Variants in CD58 observed in about 807,000 individuals in gnomAD.
The protein encoded by CD58 is CD58 molecule, also known as lymphocyte function-associated antigen 3.
CD58 carries 14 observed loss-of-function variants against 27.6 expected under a neutral mutation model. The ratio of observed to expected loss-of-function variants is 0.51; its 90% confidence interval spans 0.34 to 0.79. The LOEUF is 0.79. Among genes scored for constraint, CD58 ranks in the 30% least tolerant of loss-of-function variants. The pLI is 0.02. For missense variants in CD58, 268 were observed against 301.7 expected (o/e 0.89, Z 0.83); for synonymous variants, 117 against 103.8 (o/e 1.13, Z -0.77).
Position 116,515,378 on chromosome 1 carries a change from C to G in CD58, c.744-556G>C, listed in dbSNP as rs1273218967. On this transcript the variant is annotated intron_variant, in intron 5 of 5. Transcript: ENST00000369489. This position sits in a 1 kb window ranked among gnomAD's most constrained non-coding sequence, Gnocchi z 4.6. ...TGCGTATTTCCACAGAGCTCAAAAT[C>G]AGACCAGGCCAGAGCTCCCCAAACA... 6.6e-6 allele frequency among the ~76,000 whole-genome samples: 1 copy of G among 152,204 alleles called. No individual in the cohort carries two copies. Among genetic ancestry groups the G allele is most frequent in the African/African-American group, 2.4e-5 (1 of 41,462 alleles).
chr1:116,562,195 T>TA (rs1195454780), intron 1 of CD58, among the ~76,000 whole-genome samples: 2 of 152,188 alleles, frequency 1.3e-5, no homozygotes, highest in African/African-American at 2.4e-5. Flanking sequence ...AGGAAAATTT[T>TA]AAAAAATAAT....
rs1657035100 is a variant in CD58, at chr1:116,515,153, CAG to C, written c.744-333_744-332del. Among the ~76,000 whole-genome samples the C allele has an allele frequency of 1.3e-5, 2 of 152,226 alleles. No homozygotes were observed. The highest frequency in any genetic ancestry group is 2.9e-5 in the Non-Finnish European group (2 of 68,040). Reference sequence around the variant, plus strand: ...CATGTAAACTGTCACCCATTTGTAACAGCTACTTCCTTCTTTGCTACATGAAA... The same window carrying C: ...CATGTAAACTGTCACCCATTTGTAACCTACTTCCTTCTTTGCTACATGAAA... On this transcript the variant is annotated intron_variant, in intron 5 of 5. Coordinates refer to ENST00000369489, the MANE Select transcript of CD58 (RefSeq NM_001779.3). This position sits in a 1 kb window ranked among gnomAD's most constrained non-coding sequence, Gnocchi z 4.6.
intron 2 of CD58, among the ~76,000 whole-genome samples, chr1:116,537,202 T>G (rs1657842438): frequency 6.6e-6 from 1 of 152,210 alleles, no homozygotes; most frequent in Non-Finnish European, 1.5e-5. Context: ...ATTGTGCCAG[T>G]GCACTCTAGC....
At position 116,536,281 on chromosome 1, in the gene CD58, T is replaced by G. The variant is rs1557836606; in HGVS notation, c.365-53A>C. Reference sequence around the variant, plus strand: ...CAGAAAATAGTAATATTTAGACTTATCATCTGCAAATTTATGAAGAGCTCG... The same window carrying G: ...CAGAAAATAGTAATATTTAGACTTAGCATCTGCAAATTTATGAAGAGCTCG... On this transcript the variant is annotated intron_variant, in intron 2 of 5. Coordinates refer to ENST00000369489, the MANE Select transcript of CD58 (RefSeq NM_001779.3). This position sits in a 1 kb window ranked among gnomAD's most constrained non-coding sequence, Gnocchi z 5.4. 7.1e-7 allele frequency: 1 copy of G among 1,401,476 alleles called. No individual in the cohort carries two copies. Among genetic ancestry groups the G allele is most frequent in the Non-Finnish European group, 9.6e-7 (1 of 1,036,666 alleles). The allele number at this position is 1,401,476 out of a possible 1,614,324, so 86.8% of individuals were successfully genotyped here.
At position 116,563,608 on chromosome 1, in the gene CD58, C is replaced by T. The variant is rs1431139302; in HGVS notation, c.70+7295G>A. 6.6e-6 allele frequency among the ~76,000 whole-genome samples: 1 copy of T among 152,228 alleles called. No individual in the cohort carries two copies. Among genetic ancestry groups the T allele is most frequent in the African/African-American group, 2.4e-5 (1 of 41,462 alleles). ...ACCTCAATTCTTGACTTCTGTGCAT[C>T]CACAGGCCCAACACCACATGTAAGC... On this transcript the variant is annotated intron_variant, in intron 1 of 5. Coordinates refer to ENST00000369489, the MANE Select transcript of CD58 (RefSeq NM_001779.3). This position sits in a 1 kb window ranked among gnomAD's most constrained non-coding sequence, Gnocchi z 4.1.
chr1:116,543,297 G>C (rs772860175), intron 2 of CD58, among the ~76,000 whole-genome samples: 2 of 152,114 alleles, frequency 1.3e-5, no homozygotes, highest in Non-Finnish European at 2.9e-5. Flanking sequence ...CAAGGACAGG[G>C]CATGGTGGTC....
intron 1 of CD58, among the ~76,000 whole-genome samples, chr1:116,568,359 G>A (rs891111397): frequency 2.0e-5 from 3 of 152,162 alleles, no homozygotes; most frequent in Non-Finnish European, 4.4e-5. Flanking sequence ...GTTAACTGGT[G>A]ATTCAAGGAG....
chr1:116,532,539 A>T lies in CD58; in HGVS notation c.628+3426T>A, dbSNP rs1657648095. Among the ~76,000 whole-genome samples the T allele has an allele frequency of 1.3e-5, 2 of 152,210 alleles. No individual in the cohort carries two copies. Among genetic ancestry groups the T allele is most frequent in the African/African-American group, 4.8e-5 (2 of 41,462 alleles). On this transcript the variant is annotated intron_variant, in intron 3 of 5. Transcript: ENST00000369489. This position sits in a 1 kb window ranked among gnomAD's most constrained non-coding sequence, Gnocchi z 5.1. Reference sequence around the variant, plus strand: ...AAAGGAAAGAATTCAGTCCAACTGCAGGAGTGGTAGGAGAGGTTCTAGATC... The same window carrying T: ...AAAGGAAAGAATTCAGTCCAACTGCTGGAGTGGTAGGAGAGGTTCTAGATC...
rs1658808017 is a variant in CD58, at chr1:116,563,050, C to G, written c.70+7853G>C. ...TGTAAAATCAAAGGCAAGTTAGTTA[C>G]TTCCTAGATACAATGGGGGTACAGG... On this transcript the variant is annotated intron_variant, in intron 1 of 5. Transcript: ENST00000369489. The surrounding 1 kb of genome is among the most constrained non-coding windows in gnomAD (Gnocchi z 4.1). 6.6e-6 allele frequency among the ~76,000 whole-genome samples: 1 copy of G among 152,238 alleles called. No individual in the cohort carries two copies. The highest frequency in any genetic ancestry group is 2.1e-4 in the South Asian group (1 of 4,830).
chr1:116,566,591 T>C (rs1035111791), intron 1 of CD58, among the ~76,000 whole-genome samples: 4 of 152,176 alleles, frequency 2.6e-5, no homozygotes, highest in Non-Finnish European at 5.9e-5. Flanking sequence ...AGAACATCTT[T>C]CTGTGCCAGA....
rs572285091 is a variant in CD58 at position 116,534,416 on chromosome 1, TCCTCCGGGTGCGCCGCGGC to T, written c.628+1530_628+1548del. Among the ~76,000 whole-genome samples, 26 of 152,348 alleles carry T rather than the reference TCCTCCGGGTGCGCCGCGGC, an allele frequency of 1.7e-4. No individual in the cohort carries two copies. In the South Asian group the frequency reaches 5.4e-3, roughly 32 times the overall value. On this transcript the variant is annotated intron_variant, in intron 3 of 5. Coordinates refer to ENST00000369489, the MANE Select transcript of CD58 (RefSeq NM_001779.3). The surrounding 1 kb of genome is among the most constrained non-coding windows in gnomAD (Gnocchi z 5.3). ...CCTTAAAAACGGGAAGCCTGAATGC[TCCTCCGGGTGCGCCGCGGC>T]CCTCCGGGTACGCGGGGCTGGCTGG...
In CD58 at chr1:116,541,811, A is replaced by G. The variant is rs1571073615; in HGVS notation, c.364+2500T>C. ...TAGAGCTCTAGATCTGTACATTATT[A>G]GCATTGAGATGATATTTAAAGCCCT... On this transcript the variant is annotated intron_variant, in intron 2 of 5. Coordinates refer to ENST00000369489, the MANE Select transcript of CD58 (RefSeq NM_001779.3). The surrounding 1 kb of genome is among the most constrained non-coding windows in gnomAD (Gnocchi z 5.3). Among the ~76,000 whole-genome samples the G allele has an allele frequency of 6.6e-6, 1 of 152,324 alleles. No individual in the cohort carries two copies. Among genetic ancestry groups the G allele is most frequent in the East Asian group, 1.9e-4 (1 of 5,190 alleles).
chr1:116,554,296 G>T (rs1051622806), intron 1 of CD58, among the ~76,000 whole-genome samples: 1 of 151,880 alleles, frequency 6.6e-6, no homozygotes, highest in African/African-American at 2.4e-5. Context: ...AAAGGAAACA[G>T]GATATTCTCC....
rs1172200318 is a variant in CD58 at position 116,563,646 on chromosome 1, C to T, written c.70+7257G>A. ...ACCACATGTAAGCCACCAAGGCTTA[C>T]CCTCTGAAGCAACAGCCTGAGTGGT... On this transcript the variant is annotated intron_variant, in intron 1 of 5. Coordinates refer to ENST00000369489, the MANE Select transcript of CD58 (RefSeq NM_001779.3). The surrounding 1 kb of genome is among the most constrained non-coding windows in gnomAD (Gnocchi z 4.1). Among the ~76,000 whole-genome samples, 1 of 152,216 alleles carries T rather than the reference C, an allele frequency of 6.6e-6. No homozygotes were observed. Among genetic ancestry groups the T allele is most frequent in the Non-Finnish European group, 1.5e-5 (1 of 68,038 alleles).
Position 116,534,280 on chromosome 1 carries a change from A to G in CD58, c.628+1685T>C, listed in dbSNP as rs917429903. Reference sequence around the variant, plus strand: ...TGCCCTCGTCCACACGAAACTTACAATCAAAACCCCAGTTAGCCCAGCCTG... The same window carrying G: ...TGCCCTCGTCCACACGAAACTTACAGTCAAAACCCCAGTTAGCCCAGCCTG... On this transcript the variant is annotated intron_variant, in intron 3 of 5. Transcript: ENST00000369489. The surrounding 1 kb of genome is among the most constrained non-coding windows in gnomAD (Gnocchi z 5.3). Among the ~76,000 whole-genome samples, 4 of 152,212 alleles carry G rather than the reference A, an allele frequency of 2.6e-5. No individual in the cohort carries two copies. The highest frequency in any genetic ancestry group is 4.8e-5 in the African/African-American group (2 of 41,454).
In CD58 at chr1:116,524,231, G is replaced by A. The variant is rs753487792; in HGVS notation, c.629-2248C>T. On this transcript the variant is annotated intron_variant, in intron 3 of 5. Coordinates refer to ENST00000369489, the MANE Select transcript of CD58 (RefSeq NM_001779.3). This position sits in a 1 kb window ranked among gnomAD's most constrained non-coding sequence, Gnocchi z 4.6. ...AATGATAATTAGGTACCATAATCTG[G>A]GTGAAGGTGGCCAATCATCCTGGTT... Among the ~76,000 whole-genome samples the A allele has an allele frequency of 9.2e-5, 14 of 152,130 alleles. No individual in the cohort carries two copies. The highest frequency in any genetic ancestry group is 1.8e-4 in the Non-Finnish European group (12 of 68,032).
rs567855821 is a variant in CD58, at chr1:116,561,415, T to C, written c.70+9488A>G. ...ATAGATGTTATGATGTTATTGAGAT[T>C]ATGCAAAAGTGTCTAGGAGTGAAAT... On this transcript the variant is annotated intron_variant, in intron 1 of 5. Coordinates refer to ENST00000369489, the MANE Select transcript of CD58 (RefSeq NM_001779.3). Among the ~76,000 whole-genome samples the C allele has an allele frequency of 2.0e-5, 3 of 152,310 alleles. No individual in the cohort carries two copies. In the South Asian group the frequency reaches 6.2e-4, roughly 32 times the overall value.
rs1245913226 is a variant in CD58, at chr1:116,516,404, G to C, written c.744-1582C>G. Among the ~76,000 whole-genome samples the C allele has an allele frequency of 2.6e-5, 4 of 152,226 alleles. No homozygotes were observed. The highest frequency in any genetic ancestry group is 2.1e-4 in the South Asian group (1 of 4,830). The stretch of plus-strand genomic sequence containing the variant: ...CTAGAATGCCACCTTAGAGAGGTCA[G>C]TGTTACCTTTCTAGACTCATCATTC... On this transcript the variant is annotated intron_variant, in intron 5 of 5. Coordinates refer to ENST00000369489, the MANE Select transcript of CD58 (RefSeq NM_001779.3). This position sits in a 1 kb window ranked among gnomAD's most constrained non-coding sequence, Gnocchi z 6.1.
chr1:116,545,073 T>A (rs1261180982), intron 1 of CD58, among the ~76,000 whole-genome samples: 1 of 151,908 alleles, frequency 6.6e-6, no homozygotes. Flanking sequence ...CATACAGATA[T>A]ATAGGAAGCA....
Sources: gnomAD v4.1 joint callset for allele counts (sites outside exome capture counted in the v4.1 genomes callset) on GRCh38, gnomAD v4.1.1 for gene constraint, Gnocchi (gnomAD v3.1) non-coding constraint, MANE v1.5 for transcripts, NCBI Gene and HGNC (gene_info 2026-07-23, HGNC 2026-07-21) for gene names.